SOCS2: variants seen among roughly 807,000 people sequenced by gnomAD.
The protein encoded by SOCS2 is CIS-2.
In SOCS2, 10 loss-of-function variants were observed where a neutral mutation model predicts 18.6. The observed-to-expected ratio is 0.54, with a 90% CI of 0.33 to 0.91. SOCS2 has a LOEUF of 0.91. SOCS2 is among the 40% of genes least tolerant of loss of function. The pLI, the probability that SOCS2 is intolerant of heterozygous loss-of-function variation, is 0.02. For missense variants in SOCS2, 231 were observed against 247.2 expected (o/e 0.93, Z 0.44); for synonymous variants, 104 against 104.0 (o/e 1.00, Z 0.00).
At chr12:93,571,834 TCCCCCCA>T, upstream of SOCS2, 1 of 393,776 alleles carries the variant, frequency 2.5e-6, no homozygotes, top group Non-Finnish European at 5.0e-6. Context: ...CCTCCCCTTT[TCCCCCCA>T]CCCCCCCGCC....
chr12:93,616,127 G>A, the SOCS2 span, among the ~76,000 whole-genome samples: 4 of 152,230 alleles, frequency 2.6e-5, no homozygotes, highest in Admixed American at 2.6e-4. Flanking sequence ...TCCAGGATGA[G>A]CATGAGAACT....
chr12:93,611,896 C>T, the SOCS2 span, among the ~76,000 whole-genome samples: 11 of 152,078 alleles, frequency 7.2e-5, no homozygotes, highest in African/African-American at 2.2e-4. Context: ...AAGGAGGCCT[C>T]CGTTGGTTTG....
At chr12:93,580,211 TTAAAGA>T (rs1954519368), downstream of SOCS2, among the ~76,000 whole-genome samples, 1 of 152,206 alleles carries the variant, frequency 6.6e-6, no homozygotes, top group Admixed American at 6.5e-5. Context: ...TCCTACAGTG[TTAAAGA>T]TAAAAATTTG....
the SOCS2 span, among the ~76,000 whole-genome samples, chr12:93,614,642 G>A: frequency 7.2e-5 from 8 of 111,680 alleles, no homozygotes; most frequent in African/African-American, 2.9e-4. Context: ...TTTTGATGGA[G>A]TCTGGCTCTA....
the SOCS2 span, among the ~76,000 whole-genome samples, chr12:93,613,057 A>G: frequency 1.3e-5 from 2 of 152,232 alleles, no homozygotes; most frequent in East Asian, 3.9e-4. Flanking sequence ...AGGCCAATTC[A>G]GGAACTCCGG....
At chr12:93,607,229 G>A in the SOCS2 span, among the ~76,000 whole-genome samples, 1 of 152,112 alleles carries the variant, frequency 6.6e-6, no homozygotes, top group African/African-American at 2.4e-5. Context: ...ATAAAAGATG[G>A]CAGATTTTCT....
At chr12:93,600,136 G>GA in the SOCS2 span, among the ~76,000 whole-genome samples, 8 of 150,418 alleles carry the variant, frequency 5.3e-5, no homozygotes, top group South Asian at 2.1e-4. Context: ...GAATTCACCT[G>GA]AAAAAAAAAT....
the SOCS2 span, among the ~76,000 whole-genome samples, chr12:93,602,725 C>T: frequency 6.6e-6 from 1 of 152,230 alleles, no homozygotes; most frequent in Admixed American, 6.5e-5. Flanking sequence ...ACAAAACTCC[C>T]CTTCACTTCT....
chr12:93,611,870 T>C, the SOCS2 span, among the ~76,000 whole-genome samples: 2 of 152,350 alleles, frequency 1.3e-5, no homozygotes, highest in Admixed American at 1.3e-4. Context: ...ATTGATTTTT[T>C]TTTTCATCTA....
At chr12:93,578,523 T>C (rs1007792636), downstream of SOCS2, among the ~76,000 whole-genome samples, 2 of 152,336 alleles carry the variant, frequency 1.3e-5, no homozygotes, top group Middle Eastern at 3.4e-3. Flanking sequence ...AACAATGTTC[T>C]TGTAGGCCTT....
At chr12:93,612,454 G>A in the SOCS2 span, among the ~76,000 whole-genome samples, 1 of 151,972 alleles carries the variant, frequency 6.6e-6, no homozygotes, top group East Asian at 1.9e-4. Flanking sequence ...AACTCCTTGT[G>A]AGGCTGGCCC....
chr12:93,614,484 C>CTTCCTTTCT, the SOCS2 span, among the ~76,000 whole-genome samples: 1 of 23,792 alleles, frequency 4.2e-5, no homozygotes, highest in Admixed American at 4.8e-4. Context: ...CCTTCCTTTC[C>CTTCCTTTCT]TTCCTTCCTT....
At chr12:93,590,250 T>C in the SOCS2 span, among the ~76,000 whole-genome samples, 1 of 151,024 alleles carries the variant, frequency 6.6e-6, no homozygotes, top group African/African-American at 2.4e-5. Context: ...AAAAAAAGAA[T>C]AAGCAAGTAC....
At chr12:93,614,262 A>G in the SOCS2 span, among the ~76,000 whole-genome samples, 1 of 152,132 alleles carries the variant, frequency 6.6e-6, no homozygotes, top group African/African-American at 2.4e-5. Flanking sequence ...TTTCCTCCAA[A>G]CACACGATGC....
Position 93,573,026 on chromosome 12 carries a change from C to A in SOCS2, c.129C>A (p.Leu43=). The A allele has an allele frequency of 6.4e-7, 1 of 1,566,020 alleles. No individual in the cohort carries two copies. Among genetic ancestry groups the A allele is most frequent in the Non-Finnish European group, 8.6e-7 (1 of 1,160,098 alleles). ...GTCTGGCGAAGGCCCTGCGGGAGCT[C>A]GGTCAGACAGGTAGGGAGCCGATCG... The part of the protein sequence containing the change: ...AARLAKALRE[L]GQTGWYWGSM... The change falls in exon 1 of 2, where the codon CTC becomes CTA. Residue 43 remains leucine (L), a synonymous_variant. Coordinates refer to ENST00000551556, the MANE Select transcript of SOCS2 (RefSeq NM_001270471.2).
the SOCS2 span, among the ~76,000 whole-genome samples, chr12:93,621,189 A>G: frequency 6.6e-6 from 1 of 152,242 alleles, no homozygotes; most frequent in Non-Finnish European, 1.5e-5. Context: ...ACATCACAGT[A>G]GTTTTTGAGA....
At chr12:93,571,638 T>TCGC (rs1565837076), upstream of SOCS2, 1 of 217,602 alleles carries the variant, frequency 4.6e-6, no homozygotes, top group African/African-American at 2.4e-5. Flanking sequence ...GTAGGGGGCG[T>TCGC]CGCCGCGCGG....
chr12:93,595,916 T>TA, the SOCS2 span, among the ~76,000 whole-genome samples: 1 of 152,074 alleles, frequency 6.6e-6, no homozygotes, highest in Non-Finnish European at 1.5e-5. Context: ...AATTTTTTTT[T>TA]ATGTGATTCT....
chr12:93,572,642 G>A (rs560244075), upstream of SOCS2: 1 of 686,528 alleles, frequency 1.5e-6, no homozygotes, highest in East Asian at 2.8e-5. The surrounding 1 kb of genome is among the most constrained non-coding windows in gnomAD (Gnocchi z 5.0). Flanking sequence ...CAGCCGCAGG[G>A]GTCCAGTTTG....
Sources: gnomAD v4.1 joint callset for allele counts (sites outside exome capture counted in the v4.1 genomes callset) on GRCh38, gnomAD v4.1.1 for gene constraint, Gnocchi (gnomAD v3.1) non-coding constraint, MANE v1.5 for transcripts, NCBI Gene and HGNC (gene_info 2026-07-23, HGNC 2026-07-21) for gene names.